IDE: variants seen among roughly 807,000 people sequenced by gnomAD.
The protein encoded by IDE is insulin degrading enzyme.
In IDE, 58 loss-of-function variants were observed where a neutral mutation model predicts 133.2. That is an observed-to-expected ratio of 0.44 (90% CI 0.35 to 0.54). IDE has a LOEUF of 0.54. IDE is among the 20% of genes least tolerant of loss of function. The probability of loss-of-function intolerance (pLI) is 0.00; values close to 1 mark genes in which losing one functional copy is unlikely to be tolerated. For missense variants in IDE, 981 were observed against 1,234.0 expected (o/e 0.79, Z 3.07); for synonymous variants, 396 against 421.3 (o/e 0.94, Z 0.73).
At chr10:92,548,086 G>C (rs1379194539) in intron 1 of IDE, among the ~76,000 whole-genome samples, 1 of 152,036 alleles carries the variant, frequency 6.6e-6, no homozygotes, top group Non-Finnish European at 1.5e-5. Context: ...GAGGCCAGGC[G>C]CGATGGCTCA....
chr10:92,562,828 A>G (rs890372799), intron 1 of IDE, among the ~76,000 whole-genome samples: 1 of 152,258 alleles, frequency 6.6e-6, no homozygotes, highest in South Asian at 2.1e-4. Context: ...GCAAAATTTC[A>G]AATTTACTTC....
chr10:92,460,565 T>C (rs556240952), intron 22 of IDE, among the ~76,000 whole-genome samples: 1 of 152,230 alleles, frequency 6.6e-6, no homozygotes, highest in South Asian at 2.1e-4. Flanking sequence ...AGAATTGTCA[T>C]GGGCCACACA....
intron 11 of IDE, among the ~76,000 whole-genome samples, chr10:92,492,773 T>G (rs1290122091): frequency 6.6e-6 from 1 of 152,186 alleles, no homozygotes; most frequent in African/African-American, 2.4e-5. Context: ...AGAATCCCAA[T>G]CTCTGTTCCA....
At chr10:92,553,618 G>C (rs1842889670) in intron 1 of IDE, among the ~76,000 whole-genome samples, 1 of 151,852 alleles carries the variant, frequency 6.6e-6, no homozygotes, top group Non-Finnish European at 1.5e-5. Flanking sequence ...GAAAAAAAGA[G>C]AGACAACACA....
Position 92,475,961 on chromosome 10 carries a change from T to C in IDE, c.1918A>G (p.Ile640Val), listed in dbSNP as rs761534994. 5.8e-6 allele frequency: 9 copies of C among 1,542,188 alleles called. No individual in the cohort carries two copies. Among genetic ancestry groups the C allele is most frequent in the African/African-American group, 5.4e-5 (4 of 73,424 alleles). Reference sequence around the variant, plus strand: ...TTCTCAATAATCTTCTTTAGTAAAATTGGCTGCTTGTCATTGTAACCTTTC... The same window carrying C: ...TTCTCAATAATCTTCTTTAGTAAAACTGGCTGCTTGTCATTGTAACCTTTC... Reference protein sequence around the residue: ...SVKGYNDKQPILLKKIIEKMA... With the variant: ...SVKGYNDKQPVLLKKIIEKMA... The change falls in exon 16 of 25, where the codon ATT becomes GTT. Residue 640 changes from isoleucine (I) to valine (V), a missense_variant. This residue lies in a region of IDE where 660 missense variants were observed against 894.7 expected (regional missense o/e 0.74). Transcript: ENST00000265986.
intron 15 of IDE, among the ~76,000 whole-genome samples, chr10:92,478,944 T>C (rs1846436742): frequency 6.6e-6 from 1 of 152,172 alleles, no homozygotes; most frequent in African/African-American, 2.4e-5. Flanking sequence ...AAGGAAGACT[T>C]CATTTTCCTT....
chr10:92,558,455 A>C (rs373777694), intron 1 of IDE, among the ~76,000 whole-genome samples: 6 of 152,248 alleles, frequency 3.9e-5, no homozygotes, highest in African/African-American at 1.4e-4. Flanking sequence ...TTTTAAAAAG[A>C]CAAATTAGAC....
intron 22 of IDE, among the ~76,000 whole-genome samples, chr10:92,458,336 T>C (rs1426343526): frequency 6.6e-6 from 1 of 152,130 alleles, no homozygotes; most frequent in African/African-American, 2.4e-5. Context: ...CAATACACTC[T>C]GATTCTCTAA....
chr10:92,565,315 A>G (rs1215930529), intron 1 of IDE, among the ~76,000 whole-genome samples: 1 of 149,716 alleles, frequency 6.7e-6, no homozygotes, highest in African/African-American at 2.5e-5. Flanking sequence ...GCTACTCAGG[A>G]GGCTAAGGAA....
intron 1 of IDE, among the ~76,000 whole-genome samples, chr10:92,562,960 T>C (rs981793970): frequency 5.3e-5 from 8 of 151,820 alleles, no homozygotes; most frequent in African/African-American, 1.9e-4. Flanking sequence ...GTCAACATGG[T>C]GAAACCCTGG....
chr10:92,513,199 CGTTT>C (rs1397257622), intron 5 of IDE, among the ~76,000 whole-genome samples: 1 of 152,026 alleles, frequency 6.6e-6, no homozygotes. Flanking sequence ...TTTTTGTTGT[CGTTT>C]GTTTTTTGAG....
At chr10:92,502,462 T>C (rs1457701899) in intron 11 of IDE, among the ~76,000 whole-genome samples, 2 of 152,226 alleles carry the variant, frequency 1.3e-5, no homozygotes, top group Non-Finnish European at 2.9e-5. Context: ...TATATATAGA[T>C]ATGCAGTTGA....
intron 4 of IDE, among the ~76,000 whole-genome samples, chr10:92,517,003 A>G (rs1023089492): frequency 2.0e-5 from 3 of 152,220 alleles, no homozygotes; most frequent in African/African-American, 7.2e-5. Context: ...AGATCCTGGC[A>G]TAATAACTTT....
At chr10:92,483,996 C>T (rs1228373173) in intron 13 of IDE, among the ~76,000 whole-genome samples, 2 of 152,170 alleles carry the variant, frequency 1.3e-5, no homozygotes, top group Non-Finnish European at 2.9e-5. Flanking sequence ...AGAGAATTCT[C>T]CAGCCCTGGC....
intron 20 of IDE, among the ~76,000 whole-genome samples, chr10:92,465,212 T>A (rs1483553433): frequency 6.6e-6 from 1 of 152,200 alleles, no homozygotes; most frequent in Non-Finnish European, 1.5e-5. Flanking sequence ...CTTTCCTCAT[T>A]GATCAAATCT....
At chr10:92,568,616 G>GACC (rs370599936) in intron 1 of IDE, among the ~76,000 whole-genome samples, 26 of 152,250 alleles carry the variant, frequency 1.7e-4, no homozygotes, top group African/African-American at 6.3e-4. Context: ...AGGGGTTTAA[G>GACC]ACCAGCCTGG....
At chr10:92,467,064 A>C (rs1845731811) in intron 19 of IDE, among the ~76,000 whole-genome samples, 1 of 152,004 alleles carries the variant, frequency 6.6e-6, no homozygotes, top group South Asian at 2.1e-4. Context: ...CATCTCCTTT[A>C]TAATGCTTGA....
intron 15 of IDE, among the ~76,000 whole-genome samples, chr10:92,477,449 G>A (rs77629601): frequency 0.034 from 5,170 of 152,306 alleles, 136 homozygotes; most frequent in Admixed American, 0.058. Flanking sequence ...GAGCCACCGT[G>A]CCCAGCCAAC....
chr10:92,484,146 T>C (rs932368985), intron 13 of IDE, among the ~76,000 whole-genome samples: 9 of 152,016 alleles, frequency 5.9e-5, no homozygotes, highest in African/African-American at 2.2e-4. Context: ...GCGCGGTGGC[T>C]TCACTCCTAT....
Sources: gnomAD v4.1 joint callset for allele counts (sites outside exome capture counted in the v4.1 genomes callset) on GRCh38, gnomAD v4.1.1 for gene constraint, gnomAD v4.1.1 regional missense constraint, MANE v1.5 for transcripts, NCBI Gene and HGNC (gene_info 2026-07-23, HGNC 2026-07-21) for gene names.